Variants in AIDA observed in about 807,000 individuals in gnomAD.
AIDA encodes the protein axin interactor, dorsalization associated, also known as axin interactor, dorsalization-associated protein.
AIDA carries 18 observed loss-of-function variants against 42.7 expected under a neutral mutation model. The ratio of observed to expected loss-of-function variants is 0.42; its 90% CI spans 0.29 to 0.63. The LOEUF is 0.63. AIDA is among the 20% of genes least tolerant of loss of function. The pLI is 0.19. For synonymous variants in AIDA, 104 were observed against 122.9 expected (o/e 0.85, Z 1.02); for missense variants, 250 against 354.1 (o/e 0.71, Z 2.36).
intron 7 of AIDA, among the ~76,000 whole-genome samples, chr1:222,674,508 T>C (rs984391691): frequency 6.6e-6 from 1 of 152,134 alleles, no homozygotes; most frequent in African/African-American, 2.4e-5. Context: ...GACCTTTAAA[T>C]CTAACATTAT....
At chr1:222,677,672 G>A (rs3008635) in intron 6 of AIDA, among the ~76,000 whole-genome samples, 145,752 of 152,218 alleles carry the variant, frequency 0.96, 69,815 homozygotes, top group Admixed American at 0.98. Flanking sequence ...TGAGATCATG[G>A]GATTCTTCTC....
Position 222,669,604 on chromosome 1 carries a change from T to A in AIDA, c.*289A>T, listed in dbSNP as rs1389099494. 1.7e-5 allele frequency: 5 copies of A among 290,414 alleles called. No individual in the cohort carries two copies. The highest frequency in any genetic ancestry group is 8.8e-5 in the South Asian group (2 of 22,764). 18.0% of individuals were successfully genotyped at this position (290,414 alleles called of 1,614,324 possible). On this transcript the variant is annotated 3_prime_UTR_variant, in exon 10 of 10. Transcript: ENST00000340020. ...AACAGTATTGTTCCAGGAAGCAGGG[T>A]AGGAGTAGTGGTAAATTAGAAAATA...
Position 222,712,274 on chromosome 1 carries a change from C to G in AIDA, c.44G>C (p.Ser15Thr). The G allele has an allele frequency of 6.3e-7, 1 of 1,586,448 alleles. No individual in the cohort carries two copies. The highest frequency in any genetic ancestry group is 8.6e-7 in the Non-Finnish European group (1 of 1,166,386). Residue 15 changes from serine (S) to threonine (T), a missense_variant, in exon 1 of 10, where the codon AGT (serine) becomes ACT (threonine). Around this residue, in one of 4 missense-constraint regions of AIDA, gnomAD observed 14 missense variants for 20.1 expected, o/e 0.70. Coordinates refer to ENST00000340020, the MANE Select transcript of AIDA (RefSeq NM_022831.4). ...TRSLLQRWGA[S>T]FRRGADFDSW... ...GTCGAAGTCGGCGCCTCTCCTAAAA[C>G]TGGCGCCCCAGCGCTGCAGCAGACT...
At chr1:222,671,318 A>G (rs1473300922) in intron 8 of AIDA, among the ~76,000 whole-genome samples, 1 of 152,204 alleles carries the variant, frequency 6.6e-6, no homozygotes, top group Non-Finnish European at 1.5e-5. Context: ...AAAAAAGCTA[A>G]AAATGGAGAA....
intron 1 of AIDA, among the ~76,000 whole-genome samples, chr1:222,708,963 T>C (rs1376464960): frequency 1.3e-5 from 2 of 152,082 alleles, no homozygotes; most frequent in Admixed American, 1.3e-4. Flanking sequence ...ACATAATATC[T>C]AAACAAACAA....
At chr1:222,707,878 G>A (rs1432940668) in intron 1 of AIDA, among the ~76,000 whole-genome samples, 1 of 152,176 alleles carries the variant, frequency 6.6e-6, no homozygotes, top group Non-Finnish European at 1.5e-5. Context: ...AAAATATCAT[G>A]AGGATGTCAA....
At chr1:222,675,183 T>C (rs1664521724) in intron 7 of AIDA, among the ~76,000 whole-genome samples, 1 of 152,248 alleles carries the variant, frequency 6.6e-6, no homozygotes, top group Non-Finnish European at 1.5e-5. Flanking sequence ...TCTCTTCATT[T>C]GATTTCAGCC....
At chr1:222,686,519 C>T (rs1478353409) in intron 6 of AIDA, among the ~76,000 whole-genome samples, 1 of 152,182 alleles carries the variant, frequency 6.6e-6, no homozygotes, top group African/African-American at 2.4e-5. Flanking sequence ...GTTGTCACAA[C>T]TTGTTGAATG....
intron 6 of AIDA, among the ~76,000 whole-genome samples, chr1:222,682,353 C>T (rs1156435334): frequency 1.3e-5 from 2 of 151,968 alleles, no homozygotes; most frequent in Admixed American, 6.6e-5. Context: ...CTTCTGAAAA[C>T]ATCGTGATTT....
chr1:222,678,075 T>C (rs1312062054), intron 6 of AIDA, among the ~76,000 whole-genome samples: 1 of 152,138 alleles, frequency 6.6e-6, no homozygotes, highest in Non-Finnish European at 1.5e-5. Flanking sequence ...CCACCAGTGA[T>C]AAATGAGCCC....
At chr1:222,709,298 G>A (rs1366568836) in intron 1 of AIDA, among the ~76,000 whole-genome samples, 1 of 152,066 alleles carries the variant, frequency 6.6e-6, no homozygotes, top group African/African-American at 2.4e-5. Flanking sequence ...GGACGTGGTA[G>A]TGCGCGCCTG....
chr1:222,673,858 TG>T (rs1664496228), intron 7 of AIDA, among the ~76,000 whole-genome samples: 1 of 150,002 alleles, frequency 6.7e-6, no homozygotes, highest in Non-Finnish European at 1.5e-5. Context: ...CTGAGGCGGG[TG>T]GATCACTTAA....
chr1:222,701,264 T>C (rs1655696013), intron 2 of AIDA, among the ~76,000 whole-genome samples: 1 of 152,208 alleles, frequency 6.6e-6, no homozygotes, highest in African/African-American at 2.4e-5. Flanking sequence ...TGCCCAGTGG[T>C]ATTTTTCTTT....
rs1372704806 is a variant in AIDA at position 222,670,242 on chromosome 1, T to C, written c.715A>G (p.Ile239Val). The change falls in exon 9 of 10, where the codon ATC becomes GTC. Residue 239 changes from isoleucine (I) to valine (V), a missense_variant. Ile to Val is a conservative substitution (Grantham distance 29). This residue lies in a region of AIDA where 199 missense variants were observed against 232.6 expected (regional missense o/e 0.86). Coordinates refer to ENST00000340020, the MANE Select transcript of AIDA (RefSeq NM_022831.4). ...TTGTAGTGTTTGAATTCAAAGAAGA[T>C]AGCTGCACCTAAGGAATTAAAACAA... is the stretch of plus-strand genomic sequence containing the variant. ...HVEKLTKGAA[I>V]FFEFKHYKPK... The C allele has an allele frequency of 3.7e-6, 6 of 1,613,050 alleles. No homozygotes were observed. Among genetic ancestry groups the C allele is most frequent in the Admixed American group, 1.7e-5 (1 of 59,930 alleles).
chr1:222,698,452 T>G (rs1360955232), intron 2 of AIDA, among the ~76,000 whole-genome samples: 5 of 150,116 alleles, frequency 3.3e-5, no homozygotes, highest in Admixed American at 3.3e-4. Context: ...TCATCAATTT[T>G]TTTTTTTTTT....
chr1:222,698,924 C>A (rs1379184580), intron 2 of AIDA, among the ~76,000 whole-genome samples: 3 of 152,120 alleles, frequency 2.0e-5, no homozygotes, highest in Non-Finnish European at 2.9e-5. Context: ...CTCCCAGGTT[C>A]ATGCCATTGT....
In AIDA at chr1:222,712,185, T is replaced by C. The variant is rs1558219719; in HGVS notation, c.110+23A>G. On this transcript the variant is annotated intron_variant, in intron 1 of 9. Transcript: ENST00000340020. ...GCGCACGACTGGAGCCGGTCTGGCCTGCTCCCGCGGTTAGTCACTCACATC... is the reference window on the plus strand; with the variant it reads ...GCGCACGACTGGAGCCGGTCTGGCCCGCTCCCGCGGTTAGTCACTCACATC... 2.5e-6 allele frequency: 4 copies of C among 1,581,968 alleles called. No homozygotes were observed. In the African/African-American group the frequency reaches 4.1e-5, roughly 16 times the overall value.
chr1:222,703,322 GT>G, intron 1 of AIDA, 105 bp from the exon 2 acceptor site: 1 of 680,384 alleles, frequency 1.5e-6, no homozygotes, highest in Non-Finnish European at 2.2e-6. Flanking sequence ...TTATTGTCCT[GT>G]TTTTAAAATA....
intron 7 of AIDA, among the ~76,000 whole-genome samples, chr1:222,673,642 G>A (rs1199005859): frequency 6.6e-6 from 1 of 152,038 alleles, no homozygotes; most frequent in Non-Finnish European, 1.5e-5. Context: ...GCCGGGTGTG[G>A]TGGCGGGCGC....
Sources: gnomAD v4.1 joint callset for allele counts (sites outside exome capture counted in the v4.1 genomes callset) on GRCh38, gnomAD v4.1.1 for gene constraint, gnomAD v4.1.1 regional missense constraint, MANE v1.5 for transcripts, NCBI Gene and HGNC (gene_info 2026-07-23, HGNC 2026-07-21) for gene names.